CTNNA3: variants seen among roughly 807,000 people sequenced by gnomAD.
CTNNA3 encodes catenin alpha 3.
Under a neutral mutation model 95.7 loss-of-function variants are expected in CTNNA3, and 76 were observed. The ratio of observed to expected loss-of-function variants is 0.79; its 90% CI spans 0.66 to 0.96. The LOEUF is 0.96. Among genes scored for constraint, CTNNA3 ranks in the 40% least tolerant of loss-of-function variants. The pLI is 0.00. For synonymous variants in CTNNA3, 431 were observed against 374.4 expected, an observed-to-expected ratio of 1.15 and a Z score of -1.74; for missense variants, 1,191 against 1,089.8, an observed-to-expected ratio of 1.09 and a Z score of -1.31.
intron 7 of CTNNA3, among the ~76,000 whole-genome samples, chr10:66,907,002 C>T (rs911653909): frequency 7.2e-5 from 11 of 152,062 alleles, no homozygotes; most frequent in Non-Finnish European, 1.3e-4. Flanking sequence ...CAATAAAAAA[C>T]ATTAAAATAT....
At chr10:67,383,064 T>G (rs946086751) in intron 5 of CTNNA3, among the ~76,000 whole-genome samples, 2 of 152,186 alleles carry the variant, frequency 1.3e-5, no homozygotes, top group African/African-American at 4.8e-5. Context: ...GTTAATGCAG[T>G]GTTTATCAAA....
At chr10:67,701,669 T>A (rs1203312308) in intron 1 of CTNNA3, among the ~76,000 whole-genome samples, 1 of 152,174 alleles carries the variant, frequency 6.6e-6, no homozygotes, top group African/African-American at 2.4e-5. Context: ...TGCTGCAAAT[T>A]CATGCCAAAC....
At chr10:66,261,249 T>C (rs1028963348) in intron 13 of CTNNA3, among the ~76,000 whole-genome samples, 5 of 152,092 alleles carry the variant, frequency 3.3e-5, no homozygotes, top group African/African-American at 1.2e-4. Flanking sequence ...TCTCTTTGCT[T>C]CACTTCTTAA....
chr10:67,047,450 G>T (rs182059060), intron 7 of CTNNA3, among the ~76,000 whole-genome samples: 2 of 152,200 alleles, frequency 1.3e-5, no homozygotes, highest in African/African-American at 4.8e-5. Context: ...ATTAAGGAAA[G>T]GAGTCGGAGG....
At chr10:66,892,177 A>G (rs1845295089) in intron 7 of CTNNA3, among the ~76,000 whole-genome samples, 1 of 152,160 alleles carries the variant, frequency 6.6e-6, no homozygotes, top group Admixed American at 6.5e-5. Context: ...AAGGAGAAGG[A>G]AAGCTTTAAG....
At chr10:66,307,607 A>C (rs1309238202) in intron 12 of CTNNA3, among the ~76,000 whole-genome samples, 1 of 152,128 alleles carries the variant, frequency 6.6e-6, no homozygotes, top group African/African-American at 2.4e-5. Context: ...AAATTGACAA[A>C]CTCCAAATTT....
At chr10:67,144,689 G>A (rs538750354) in intron 7 of CTNNA3, among the ~76,000 whole-genome samples, 1 of 152,108 alleles carries the variant, frequency 6.6e-6, no homozygotes, top group Non-Finnish European at 1.5e-5. Flanking sequence ...AATTGAAGAG[G>A]GTTAGGTTCT....
chr10:67,367,404 T>C, intron 5 of CTNNA3, among the ~76,000 whole-genome samples: 1 of 148,786 alleles, frequency 6.7e-6, no homozygotes, highest in East Asian at 1.9e-4. Context: ...TAATAAAAAG[T>C]CAAAAAAAAA....
Position 66,024,085 on chromosome 10 carries a change from A to ATTTTTTTTTTTT in CTNNA3, c.2160-35300_2160-35289dup, listed in dbSNP as rs71474007. On this transcript the variant is annotated intron_variant, in intron 15 of 17. Coordinates refer to ENST00000433211, the MANE Select transcript of CTNNA3 (RefSeq NM_013266.4). ...TATCACAGAAACTTATACCATACAC[A>ATTTTTTTTTTTT]TTTTTTTTTTTTTTTTTTTTTTGAG... Among the ~76,000 whole-genome samples the ATTTTTTTTTTTT allele has an allele frequency of 2.8e-4, 25 of 87,748 alleles. 3 individuals carry two copies. Among genetic ancestry groups the ATTTTTTTTTTTT allele is most frequent in the Admixed American group, 3.4e-4 (2 of 5,900 alleles). 57.6% of individuals were successfully genotyped at this position (87,748 alleles called of 152,430 possible). A position where few individuals can be genotyped will look rare whatever the true frequency, so the allele number is the denominator to read the frequency against.
At chr10:67,647,550 T>C in intron 1 of CTNNA3, 32 bp from the exon 2 acceptor site, 3 of 1,552,844 alleles carry the variant, frequency 1.9e-6, no homozygotes, top group Non-Finnish European at 1.8e-6. Flanking sequence ...TGCTTATTAA[T>C]AAAGAAAACT....
At chr10:66,496,612 T>C (rs150087184) in intron 11 of CTNNA3, among the ~76,000 whole-genome samples, 4 of 152,312 alleles carry the variant, frequency 2.6e-5, no homozygotes, top group Middle Eastern at 3.4e-3. Flanking sequence ...GCATGGTTGC[T>C]ATTTATTTAT....
At chr10:66,445,799 C>T (rs2093415952) in intron 11 of CTNNA3, among the ~76,000 whole-genome samples, 1 of 151,976 alleles carries the variant, frequency 6.6e-6, no homozygotes, top group Admixed American at 6.5e-5. Context: ...CAAAAGCTAG[C>T]AGAAGGCAAG....
intron 17 of CTNNA3, among the ~76,000 whole-genome samples, chr10:65,929,321 T>C (rs1482106843): frequency 2.0e-5 from 3 of 152,166 alleles, no homozygotes; most frequent in Non-Finnish European, 4.4e-5. Flanking sequence ...ATATGTCTTA[T>C]TGGCCCAAGA....
intron 3 of CTNNA3, among the ~76,000 whole-genome samples, chr10:67,543,009 A>G (rs1203514688): frequency 2.0e-5 from 3 of 152,118 alleles, no homozygotes; most frequent in Non-Finnish European, 4.4e-5. Flanking sequence ...AGTTTGCTGA[A>G]TAGGAAATTT....
intron 13 of CTNNA3, among the ~76,000 whole-genome samples, chr10:66,110,189 C>T (rs1406775475): frequency 4.0e-5 from 6 of 151,502 alleles, no homozygotes; most frequent in Non-Finnish European, 8.8e-5. Flanking sequence ...GGTGAAACCC[C>T]GTCTCTACTA....
At chr10:67,487,880 G>T (rs1368477518) in intron 5 of CTNNA3, among the ~76,000 whole-genome samples, 1 of 152,174 alleles carries the variant, frequency 6.6e-6, no homozygotes, top group African/African-American at 2.4e-5. Context: ...GAAGGCACAA[G>T]AGCATAAAAC....
chr10:67,123,114 T>G (rs2131998132), intron 7 of CTNNA3, among the ~76,000 whole-genome samples: 1 of 152,184 alleles, frequency 6.6e-6, no homozygotes, highest in East Asian at 1.9e-4. Flanking sequence ...CCATATGTAA[T>G]GAAGAAACAC....
At chr10:67,740,553 A>T (rs1380214546) in intron 1 of CTNNA3, among the ~76,000 whole-genome samples, 13 of 151,510 alleles carry the variant, frequency 8.6e-5, no homozygotes, top group Non-Finnish European at 1.9e-4. Context: ...AAAACATATG[A>T]AAAAATGCTC....
At chr10:67,503,349 G>A (rs1348112642) in intron 5 of CTNNA3, among the ~76,000 whole-genome samples, 3 of 152,150 alleles carry the variant, frequency 2.0e-5, no homozygotes, top group African/African-American at 7.2e-5. Flanking sequence ...AGTTGGAAAT[G>A]CAGAAATTAC....
Sources: allele counts gnomAD v4.1 joint callset (sites outside exome capture counted in the v4.1 genomes callset), GRCh38; gene constraint gnomAD v4.1.1; transcripts MANE v1.5; gene names NCBI Gene and HGNC (gene_info 2026-07-23, HGNC 2026-07-21).